The following YAF2 variants were observed in gnomAD, a reference collection of about 807,000 sequenced individuals.
The protein encoded by YAF2 is YY1-associated factor 2.
YAF2 carries 7 observed loss-of-function variants against 20.1 expected under a neutral mutation model. That is an observed-to-expected ratio of 0.35 (90% confidence interval 0.20 to 0.65). The LOEUF is 0.65. Ranked by LOEUF, YAF2 falls within the 30% of genes least tolerant of loss-of-function variation. The pLI is 0.69. For synonymous variants in YAF2, 74 were observed against 76.0 expected, an observed-to-expected ratio of 0.97 and a Z score of 0.14; for missense variants, 151 against 219.2, an observed-to-expected ratio of 0.69 and a Z score of 1.96.
intron 2 of YAF2, among the ~76,000 whole-genome samples, chr12:42,163,438 G>C (rs1196976084): frequency 6.6e-6 from 1 of 152,188 alleles, no homozygotes; most frequent in Non-Finnish European, 1.5e-5. Flanking sequence ...TGTGAGACTA[G>C]TGGTCTAATA....
At chr12:42,232,674 A>G in intron 2 of YAF2, 1 of 985,460 alleles carries the variant, frequency 1.0e-6, no homozygotes, top group Non-Finnish European at 1.2e-6. Context: ...CCAAAAGTCT[A>G]GAAGAATCAG....
At chr12:42,199,002 T>G in intron 2 of YAF2, 1 of 414,618 alleles carries the variant, frequency 2.4e-6, no homozygotes, top group Non-Finnish European at 4.1e-6. Flanking sequence ...AATTCTAAAC[T>G]AGCTGTGTTT....
At chr12:42,196,615 G>T (rs2066759723) in intron 2 of YAF2, among the ~76,000 whole-genome samples, 1 of 152,016 alleles carries the variant, frequency 6.6e-6, no homozygotes. Flanking sequence ...GAGGACCAGG[G>T]GTAAGAAAAA....
intron 2 of YAF2, among the ~76,000 whole-genome samples, chr12:42,183,554 TC>T (rs2066398474): frequency 6.6e-6 from 1 of 152,126 alleles, no homozygotes; most frequent in Admixed American, 6.6e-5. Flanking sequence ...ATCAAACCAG[TC>T]ACAACATTTC....
intron 2 of YAF2, among the ~76,000 whole-genome samples, chr12:42,164,321 G>T (rs1265934908): frequency 2.6e-5 from 4 of 152,138 alleles, no homozygotes; most frequent in Admixed American, 2.6e-4. Context: ...ATTTTATTAC[G>T]CATTAGGACA....
At chr12:42,232,109 T>C (rs906188885) in intron 2 of YAF2, 2 of 152,222 alleles carry the variant, frequency 1.3e-5, no homozygotes, top group Admixed American at 6.5e-5. Context: ...TTTAAAAATA[T>C]GAGATGTAAT....
At chr12:42,164,738 C>A (rs181684037) in intron 2 of YAF2, among the ~76,000 whole-genome samples, 1 of 151,370 alleles carries the variant, frequency 6.6e-6, no homozygotes. Flanking sequence ...GGCTAACAAA[C>A]GCCCAAAAAT....
At chr12:42,236,822 G>A (rs1473992718) in intron 2 of YAF2, among the ~76,000 whole-genome samples, 1 of 152,170 alleles carries the variant, frequency 6.6e-6, no homozygotes, top group Non-Finnish European at 1.5e-5. Flanking sequence ...CGATAACTAA[G>A]TGCTGACAGA....
chr12:42,234,042 G>A lies in YAF2; in HGVS notation c.152+3557C>T, dbSNP rs1171184122. ...AAAAATTAGCCTGGTGTGGTGGCGG[G>A]CACCTGTAATCCCAGCTACCACAGA... On this transcript the variant is annotated intron_variant, in intron 2 of 3. Transcript: ENST00000534854. 6.3e-6 allele frequency: 4 copies of A among 632,860 alleles called. No individual in the cohort carries two copies. In the East Asian group the frequency reaches 4.2e-4, roughly 67 times the overall value. The allele number at this position is 632,860 out of a possible 1,614,324, so 39.2% of individuals were successfully genotyped here.
chr12:42,222,011 C>A (rs1422006045), intron 2 of YAF2, among the ~76,000 whole-genome samples: 1 of 152,156 alleles, frequency 6.6e-6, no homozygotes, highest in African/African-American at 2.4e-5. Flanking sequence ...CTCAGTAATT[C>A]TATAATTTCC....
chr12:42,180,818 C>T (rs189761621), intron 2 of YAF2, among the ~76,000 whole-genome samples: 3 of 152,048 alleles, frequency 2.0e-5, no homozygotes, highest in Non-Finnish European at 2.9e-5. Context: ...TGTGGTGGTG[C>T]GTGCCTATAA....
At chr12:42,192,600 T>C (rs976443922) in intron 2 of YAF2, among the ~76,000 whole-genome samples, 3 of 152,240 alleles carry the variant, frequency 2.0e-5, no homozygotes, top group Non-Finnish European at 4.4e-5. Flanking sequence ...GTGACTTCCA[T>C]TATATTTTAA....
intron 2 of YAF2, chr12:42,234,489 A>ATG: frequency 3.1e-6 from 3 of 981,812 alleles, no homozygotes; most frequent in Non-Finnish European, 3.6e-6. Context: ...AAACATGCAC[A>ATG]TGTACCCCAA....
intron 2 of YAF2, among the ~76,000 whole-genome samples, chr12:42,222,238 A>T (rs11181380): frequency 0.34 from 52,454 of 152,096 alleles, 9,485 homozygotes; most frequent in South Asian, 0.48. Context: ...AAAAAACACT[A>T]AGGTTTCACC....
intron 2 of YAF2, among the ~76,000 whole-genome samples, chr12:42,223,697 A>G (rs976654645): frequency 6.6e-5 from 10 of 151,908 alleles, no homozygotes; most frequent in Admixed American, 1.3e-4. Flanking sequence ...ATGCAGCCAT[A>G]AAAAAGGATG....
chr12:42,218,185 A>AACACACACAC lies in YAF2; in HGVS notation c.152+19404_152+19413dup, dbSNP rs71883885. Among the ~76,000 whole-genome samples, 665 of 140,674 alleles carry AACACACACAC rather than the reference A, an allele frequency of 4.7e-3. 7 individuals carry two copies. The highest frequency in any genetic ancestry group is 8.7e-3 in the Admixed American group (121 of 13,846). 92.3% of individuals were successfully genotyped at this position (140,674 alleles called of 152,430 possible). A position where few individuals can be genotyped will look rare whatever the true frequency, so the allele number is the denominator to read the frequency against. ...GACAGTCTACATCAGGCTACTAGGAAACACACACACACACACACACACACA... is the reference window on the plus strand; with the variant it reads ...GACAGTCTACATCAGGCTACTAGGAAACACACACACACACACACACACACACACACACACA... On this transcript the variant is annotated intron_variant, in intron 2 of 3. Coordinates refer to ENST00000534854, the MANE Select transcript of YAF2 (RefSeq NM_005748.6).
chr12:42,175,453 T>C (rs1032700755), intron 2 of YAF2, among the ~76,000 whole-genome samples: 7 of 151,962 alleles, frequency 4.6e-5, no homozygotes, highest in African/African-American at 1.5e-4. Context: ...ATTGTGGTGA[T>C]AGTTTCACAG....
At chr12:42,178,659 A>G (rs2066260625) in intron 2 of YAF2, among the ~76,000 whole-genome samples, 1 of 152,092 alleles carries the variant, frequency 6.6e-6, no homozygotes, top group Non-Finnish European at 1.5e-5. Flanking sequence ...CCAATGTGTC[A>G]GCACCACTTT....
chr12:42,230,089 T>C (rs1341249006), intron 2 of YAF2, among the ~76,000 whole-genome samples: 1 of 152,070 alleles, frequency 6.6e-6, no homozygotes, highest in East Asian at 1.9e-4. Flanking sequence ...AAACCCTGTC[T>C]CTACTAAAAA....
Sources: gnomAD v4.1 joint callset for allele counts (sites outside exome capture counted in the v4.1 genomes callset) on GRCh38, gnomAD v4.1.1 for gene constraint, MANE v1.5 for transcripts, NCBI Gene and HGNC (gene_info 2026-07-23, HGNC 2026-07-21) for gene names.